The following PCSK5 variants were observed in gnomAD, a reference collection of about 807,000 sequenced individuals.
PCSK5 encodes proprotein convertase subtilisin/kexin type 5.
A neutral mutation model predicts 233.2 loss-of-function variants in PCSK5; 129 were observed. The observed-to-expected ratio is 0.55, with a 90% CI of 0.48 to 0.64. The LOEUF (loss-of-function observed/expected upper bound fraction) is 0.64. Ranked by LOEUF, PCSK5 falls within the 30% of genes least tolerant of loss-of-function variation. PCSK5 has a pLI of 0.00. For synonymous variants in PCSK5, 825 were observed against 879.2 expected (o/e 0.94, Z 1.09); for missense variants, 2,076 against 2,430.1 (o/e 0.85, Z 3.06).
At chr9:76,002,582 G>A (rs1827308005) in intron 3 of PCSK5, among the ~76,000 whole-genome samples, 1 of 152,222 alleles carries the variant, frequency 6.6e-6, no homozygotes, top group Non-Finnish European at 1.5e-5. Flanking sequence ...TGACAGAAGA[G>A]ATGTAAATAG....
intron 5 of PCSK5, among the ~76,000 whole-genome samples, chr9:76,065,340 C>G (rs1830247695): frequency 6.6e-6 from 1 of 152,080 alleles, no homozygotes; most frequent in African/African-American, 2.4e-5. Flanking sequence ...TATTTTCTGT[C>G]TTTTTGATAA....
intron 7 of PCSK5, 96 bp from the exon 8 acceptor site, chr9:76,095,794 C>A: frequency 6.7e-6 from 7 of 1,042,746 alleles, no homozygotes; most frequent in South Asian, 1.3e-5. Context: ...TAGCAACACA[C>A]CCCACCTGCA....
intron 35 of PCSK5, among the ~76,000 whole-genome samples, chr9:76,343,096 C>T (rs1017221123): frequency 1.3e-5 from 2 of 152,010 alleles, no homozygotes; most frequent in African/African-American, 4.8e-5. Context: ...TTAGACTGAT[C>T]TCTTTATACA....
chr9:76,109,707 G>T (rs1245487777), intron 9 of PCSK5, among the ~76,000 whole-genome samples: 2 of 152,070 alleles, frequency 1.3e-5, no homozygotes, highest in Non-Finnish European at 2.9e-5. Context: ...CACTCTAATT[G>T]TGGGGCCAAA....
At chr9:76,163,070 G>A (rs1160513973) in intron 12 of PCSK5, among the ~76,000 whole-genome samples, 2 of 152,210 alleles carry the variant, frequency 1.3e-5, no homozygotes, top group African/African-American at 4.8e-5. Flanking sequence ...GAGTCCAGAG[G>A]ACAGTGCTCT....
At chr9:76,181,307 G>A (rs958018842) in intron 15 of PCSK5, 91 bp from the exon 16 acceptor site, 2 of 1,065,850 alleles carry the variant, frequency 1.9e-6, no homozygotes, top group Middle Eastern at 3.1e-4. Flanking sequence ...TTTGGAAGCT[G>A]AGCTCAGCCA....
chr9:76,030,841 C>T (rs1291343457), intron 5 of PCSK5, among the ~76,000 whole-genome samples: 1 of 151,956 alleles, frequency 6.6e-6, no homozygotes, highest in Non-Finnish European at 1.5e-5. Flanking sequence ...AGAATCATGA[C>T]AGTCGTGCTC....
At chr9:76,223,294 G>A (rs745529961) in intron 20 of PCSK5, among the ~76,000 whole-genome samples, 1 of 152,162 alleles carries the variant, frequency 6.6e-6, no homozygotes, top group African/African-American at 2.4e-5. Context: ...AGAAAGCGTA[G>A]CATTTGTTCA....
rs539347426 is a variant in PCSK5 at position 76,278,700 on chromosome 9, T to A, written c.3143-13533T>A. Among the ~76,000 whole-genome samples, 27 of 152,084 alleles carry A rather than the reference T, an allele frequency of 1.8e-4. 1 individual carries two copies. In the South Asian group the frequency reaches 5.4e-3, roughly 30 times the overall value. On this transcript the variant is annotated intron_variant, in intron 24 of 37. Transcript: ENST00000674117. ...CTCTATCTGTCTATCTATCTATCTA[T>A]CCATCCATCCATCCATCCACACAGG...
At chr9:76,355,967 G>T (rs181169536) in intron 37 of PCSK5, among the ~76,000 whole-genome samples, 2 of 152,254 alleles carry the variant, frequency 1.3e-5, no homozygotes, top group Non-Finnish European at 2.9e-5. Flanking sequence ...ACCTCCCAAA[G>T]TGCTGAGATT....
At chr9:76,301,963 C>T (rs1047094317) in intron 27 of PCSK5, among the ~76,000 whole-genome samples, 174 bp from the exon 28 acceptor site, 1 of 130,656 alleles carries the variant, frequency 7.7e-6, no homozygotes, top group African/African-American at 2.5e-5. Flanking sequence ...TAAATGATGA[C>T]ACATCTATAC....
At chr9:76,132,304 C>A (rs1461764768) in intron 9 of PCSK5, among the ~76,000 whole-genome samples, 1 of 152,072 alleles carries the variant, frequency 6.6e-6, no homozygotes, top group African/African-American at 2.4e-5. Flanking sequence ...GCCTCCCTTT[C>A]TTGAAAGTTT....
At chr9:76,156,694 G>A (rs929464886) in intron 10 of PCSK5, among the ~76,000 whole-genome samples, 1 of 152,200 alleles carries the variant, frequency 6.6e-6, no homozygotes, top group Non-Finnish European at 1.5e-5. Flanking sequence ...TCTTGGCCAA[G>A]TTTTTCTGTT....
At chr9:76,194,065 T>C (rs1468253656) in intron 20 of PCSK5, 2 of 152,390 alleles carry the variant, frequency 1.3e-5, no homozygotes, top group African/African-American at 4.8e-5. Flanking sequence ...GATTGGGTTA[T>C]TTTACACGCA....
intron 6 of PCSK5, among the ~76,000 whole-genome samples, chr9:76,069,990 A>C (rs1454108590): frequency 7.0e-6 from 1 of 142,982 alleles, no homozygotes; most frequent in Non-Finnish European, 1.5e-5. Flanking sequence ...TCCAATTTCC[A>C]TTCCAATTTT....
At chr9:76,341,376 G>T (rs563053469) in intron 35 of PCSK5, among the ~76,000 whole-genome samples, 1 of 152,004 alleles carries the variant, frequency 6.6e-6, no homozygotes, top group African/African-American at 2.4e-5. Flanking sequence ...TAAATACTTT[G>T]TCAAATGTTT....
chr9:76,133,160 G>A (rs974076438), intron 9 of PCSK5, among the ~76,000 whole-genome samples: 4 of 152,024 alleles, frequency 2.6e-5, no homozygotes, highest in Non-Finnish European at 4.4e-5. Flanking sequence ...GGTAGCTGGT[G>A]AGAAACAAAT....
rs534342130 is a variant in PCSK5 at position 76,362,495 on chromosome 9, G to A, written c.*3573G>A. Among the ~76,000 whole-genome samples, 4 of 152,118 alleles carry A rather than the reference G, an allele frequency of 2.6e-5. No homozygotes were observed. In the East Asian group the frequency reaches 7.7e-4, roughly 29 times the overall value. On this transcript the variant is annotated 3_prime_UTR_variant, in exon 38 of 38. Transcript: ENST00000674117. ...AGACCAAGCTAGCTTTATCAATTCT[G>A]AATTTTCTCTCCTAAAAATCAGCTC...
chr9:76,189,287 TA>T, intron 19 of PCSK5, 64 bp downstream of exon 19: 1 of 1,206,560 alleles, frequency 8.3e-7, no homozygotes, highest in Middle Eastern at 2.9e-4. Context: ...ACTATCTTCA[TA>T]AGAAAATAAG....
Sources: allele counts gnomAD v4.1 joint callset (sites outside exome capture counted in the v4.1 genomes callset), GRCh38; gene constraint gnomAD v4.1.1; transcripts MANE v1.5; gene names NCBI Gene and HGNC (gene_info 2026-07-23, HGNC 2026-07-21).